The following PYROXD1 variants were observed in gnomAD, a reference collection of about 807,000 sequenced individuals.
PYROXD1 encodes tRNA ligase complex-associated NAD(P)H dehydrogenase PYROXD1.
In PYROXD1, 42 loss-of-function variants were observed where a neutral mutation model predicts 62.0. The ratio of observed to expected loss-of-function variants is 0.68; its 90% confidence interval spans 0.53 to 0.88. The LOEUF is 0.88. PYROXD1 is among the 40% of genes least tolerant of loss of function. The pLI, the probability that PYROXD1 is intolerant of heterozygous loss-of-function variation, is 0.00. For synonymous variants in PYROXD1, 170 were observed against 206.4 expected, an observed-to-expected ratio of 0.82 and a Z score of 1.51; for missense variants, 493 against 604.8, an observed-to-expected ratio of 0.82 and a Z score of 1.94.
intron 7 of PYROXD1, 149 bp from the exon 8 acceptor site, chr12:21,460,874 CTT>C: frequency 2.2e-6 from 1 of 450,444 alleles, no homozygotes; most frequent in Non-Finnish European, 3.8e-6. Flanking sequence ...CATAGAGAGA[CTT>C]ATTTTAGGGC....
intron 7 of PYROXD1, among the ~76,000 whole-genome samples, chr12:21,458,536 G>A (rs1338039221): frequency 6.6e-6 from 1 of 152,196 alleles, no homozygotes; most frequent in East Asian, 1.9e-4. Flanking sequence ...GGCTTTCCAT[G>A]TGCCTTCCTC....
At chr12:21,462,159 G>C in intron 9 of PYROXD1, 39 bp downstream of exon 9, 1 of 1,183,644 alleles carries the variant, frequency 8.4e-7, no homozygotes, top group Non-Finnish European at 1.3e-6. Flanking sequence ...GAATATATTT[G>C]AAGTATTTTT....
intron 7 of PYROXD1, among the ~76,000 whole-genome samples, chr12:21,459,996 A>G (rs73067212): frequency 0.02 from 3,049 of 152,298 alleles, 36 homozygotes; most frequent in Middle Eastern, 0.051. Flanking sequence ...TTGGATAAGG[A>G]GATGATTTGC....
At chr12:21,463,838 T>G (rs1298791878) in intron 10 of PYROXD1, among the ~76,000 whole-genome samples, 1 of 152,138 alleles carries the variant, frequency 6.6e-6, no homozygotes, top group Non-Finnish European at 1.5e-5. Flanking sequence ...ATAAAGACAG[T>G]GACCAGAGGT....
intron 4 of PYROXD1, among the ~76,000 whole-genome samples, chr12:21,451,654 C>T (rs1942501436): frequency 6.7e-6 from 1 of 149,868 alleles, no homozygotes; most frequent in South Asian, 2.1e-4. Context: ...CTTCCAGAGT[C>T]TGTGCTCTTA....
intron 10 of PYROXD1, among the ~76,000 whole-genome samples, chr12:21,466,485 A>G (rs1942796262): frequency 6.6e-6 from 1 of 152,084 alleles, no homozygotes; most frequent in South Asian, 2.1e-4. Flanking sequence ...TTGGTGTATA[A>G]GAATGCTTGT....
intron 10 of PYROXD1, among the ~76,000 whole-genome samples, chr12:21,463,078 G>T (rs1942729057): frequency 6.6e-6 from 1 of 152,106 alleles, no homozygotes; most frequent in African/African-American, 2.4e-5. Flanking sequence ...TACTTTAAAA[G>T]AAATTATGGG....
chr12:21,442,790 G>A (rs7137034), intron 2 of PYROXD1, among the ~76,000 whole-genome samples: 74,934 of 152,106 alleles, frequency 0.49, 18,531 homozygotes, highest in Middle Eastern at 0.59. Flanking sequence ...CCTCTGCAGT[G>A]CAGGCCACCA....
At chr12:21,439,181 T>A (rs1942249964) in intron 1 of PYROXD1, among the ~76,000 whole-genome samples, 1 of 152,198 alleles carries the variant, frequency 6.6e-6, no homozygotes, top group Non-Finnish European at 1.5e-5. Context: ...TGCTGAGAAC[T>A]TAACAAGAAT....
intron 10 of PYROXD1, among the ~76,000 whole-genome samples, chr12:21,465,749 T>C (rs1291175417): frequency 6.6e-6 from 1 of 152,128 alleles, no homozygotes; most frequent in South Asian, 2.1e-4. Flanking sequence ...CCCATGCCTA[T>C]GTCCTGAATG....
intron 2 of PYROXD1, among the ~76,000 whole-genome samples, chr12:21,442,194 G>A (rs1942307971): frequency 6.6e-6 from 1 of 152,336 alleles, no homozygotes; most frequent in South Asian, 2.1e-4. Flanking sequence ...TGTCTGATAA[G>A]TGGTGCCTAT....
chr12:21,449,642 G>T lies in PYROXD1; in HGVS notation c.365G>T (p.Cys122Phe). 6.2e-7 allele frequency: 1 copy of T among 1,613,232 alleles called. No individual in the cohort carries two copies. Among genetic ancestry groups the T allele is most frequent in the Non-Finnish European group, 8.5e-7 (1 of 1,179,358 alleles). ...GCTGGAGCTAAACCAAAGTTGATAT[G>T]TGAAGGAAATCCTTATGTATTAGGA... is the stretch of plus-strand genomic sequence containing the variant. ...LCAGAKPKLI[C>F]EGNPYVLGIR... Residue 122 changes from cysteine to phenylalanine, a missense_variant, in exon 4 of 12, where the codon TGT becomes TTT. By Grantham distance (205) the Cys-to-Phe change is radical. Around this residue, in one of 2 missense-constraint regions of PYROXD1, gnomAD observed 164 missense variants for 158.2 expected, o/e 1.04. Transcript: ENST00000240651.
chr12:21,462,140 TC>T lies in PYROXD1; in HGVS notation c.993+22del. ...AACAGTGTAAGGTGAAATTTTTTTG[TC>T]CAGCTGTGAATATATTTGAAGTATT... On this transcript the variant is annotated intron_variant, in intron 9 of 11. Coordinates refer to ENST00000240651, the MANE Select transcript of PYROXD1 (RefSeq NM_024854.5). The T allele has an allele frequency of 7.0e-7, 1 of 1,424,624 alleles. No individual in the cohort carries two copies. Among genetic ancestry groups the T allele is most frequent in the Non-Finnish European group, 9.9e-7 (1 of 1,013,086 alleles). The allele number at this position is 1,424,624 out of a possible 1,614,324, so 88.2% of individuals were successfully genotyped here.
Position 21,445,422 on chromosome 12 carries a change from A to G in PYROXD1, c.241A>G (p.Lys81Glu), listed in dbSNP as rs200258152. The G allele has an allele frequency of 6.2e-7, 1 of 1,607,452 alleles. No individual in the cohort carries two copies. Among genetic ancestry groups the G allele is most frequent in the Non-Finnish European group, 8.5e-7 (1 of 1,178,148 alleles). The change falls in exon 3 of 12, where the codon AAG (lysine) becomes GAG (glutamate). Residue 81 changes from lysine to glutamate, a missense_variant. This residue lies in a region of PYROXD1 where 164 missense variants were observed against 158.2 expected (regional missense o/e 1.04). Coordinates refer to ENST00000240651, the MANE Select transcript of PYROXD1 (RefSeq NM_024854.5). ...GTTAGGAAAACGCTTTCCCAACATT[A>G]AGGTTATAGAATCTGGCGTAAAGCA... ...TMLGKRFPNI[K>E]VIESGVKQLK...
At chr12:21,446,742 T>C (rs1843647753) in intron 3 of PYROXD1, among the ~76,000 whole-genome samples, 1 of 152,044 alleles carries the variant, frequency 6.6e-6, no homozygotes, top group African/African-American at 2.4e-5. Context: ...CAAAACCCCA[T>C]ATCTACAAAA....
At chr12:21,451,535 C>A (rs1335228506) in intron 4 of PYROXD1, among the ~76,000 whole-genome samples, 1 of 151,898 alleles carries the variant, frequency 6.6e-6, no homozygotes, top group Non-Finnish European at 1.5e-5. Flanking sequence ...CTTACAGAAA[C>A]ATTAGGATAT....
At chr12:21,438,508 C>T (rs1037600352) in intron 1 of PYROXD1, 3 of 152,174 alleles carry the variant, frequency 2.0e-5, no homozygotes, top group Non-Finnish European at 4.4e-5. Flanking sequence ...GTCTTTAGTG[C>T]ATCTTAACTA....
At chr12:21,461,797 T>C (rs1942702049) in intron 8 of PYROXD1, among the ~76,000 whole-genome samples, 1 of 152,222 alleles carries the variant, frequency 6.6e-6, no homozygotes, top group African/African-American at 2.4e-5. Context: ...ATGCCATGGT[T>C]TTAAAATTAT....
In PYROXD1 at chr12:21,461,034, A is replaced by G; in HGVS notation, c.760A>G (p.Lys254Glu). 6.6e-7 allele frequency: 1 copy of G among 1,517,482 alleles called. No individual in the cohort carries two copies. The highest frequency in any genetic ancestry group is 2.3e-5 in the East Asian group (1 of 42,616). 94.0% of individuals were successfully genotyped at this position (1,517,482 alleles called of 1,614,324 possible). Residue 254 changes from lysine (K) to glutamate (E), a missense_variant, in exon 8 of 12, where the codon AAG becomes GAG. Transcript: ENST00000240651. ...ATTTTCTTAATTTTAGTTTTCTCAT[A>G]AGATTCACCTTGAAACTATGTGTGA... is the stretch of plus-strand genomic sequence containing the variant. ...NLKGTKEFSH[K>E]IHLETMCEVK...
Sources: allele counts gnomAD v4.1 joint callset (sites outside exome capture counted in the v4.1 genomes callset), GRCh38; gene constraint gnomAD v4.1.1; regional missense constraint gnomAD v4.1.1; transcripts MANE v1.5; gene names NCBI Gene and HGNC (gene_info 2026-07-23, HGNC 2026-07-21).